Variants in BRD3 observed in about 807,000 individuals in gnomAD.
The protein encoded by BRD3 is bromodomain-containing protein 3.
A neutral mutation model predicts 66.8 loss-of-function variants in BRD3; 17 were observed. That is an observed-to-expected ratio of 0.25 (90% CI 0.17 to 0.38). BRD3 has a LOEUF of 0.38. BRD3 is among the 10% of genes least tolerant of loss of function. The probability of loss-of-function intolerance (pLI) is 1.00; values close to 1 mark genes in which losing one functional copy is unlikely to be tolerated. For synonymous variants in BRD3, 421 were observed against 393.2 expected (o/e 1.07, Z -0.84); for missense variants, 713 against 956.1 (o/e 0.75, Z 3.35).
At chr9:134,061,830 G>A (rs1446078321) in intron 1 of BRD3, among the ~76,000 whole-genome samples, 3 of 152,226 alleles carry the variant, frequency 2.0e-5, no homozygotes, top group East Asian at 1.9e-4. Flanking sequence ...CAGAATTCTC[G>A]GGATAATGCT....
intron 1 of BRD3, chr9:134,056,799 G>C (rs1411535056): frequency 6.6e-6 from 1 of 152,310 alleles, no homozygotes; most frequent in East Asian, 1.9e-4. Flanking sequence ...GACGGGCTCA[G>C]TGCCTCAGGT....
rs1165908648 is a variant in BRD3 at position 134,033,592 on chromosome 9, A to G, written c.2179T>C (p.Ter727ArgextTer38). 1 of 762,216 alleles carries G rather than the reference A, an allele frequency of 1.3e-6. No homozygotes were observed. Among genetic ancestry groups the G allele is most frequent in the South Asian group, 1.4e-5 (1 of 71,884 alleles). 47.2% of individuals were successfully genotyped at this position (762,216 alleles called of 1,614,324 possible). A position where few individuals can be genotyped will look rare whatever the true frequency, so the allele number is the denominator to read the frequency against. Residue 727 changes from the stop codon to arginine, a stop_lost, in exon 12 of 12, where the codon TGA becomes CGA. Transcript: ENST00000303407. The surrounding 1 kb of genome is among the most constrained non-coding windows in gnomAD (Gnocchi z 5.1). ...GSSSDSSDSE[*>R] ...GTCCTGTTCTGTCCGAAGCCAGTTC[A>G]TTCTGAGTCACTGCTGTCAGAGCTG...
intron 10 of BRD3, 63 bp downstream of exon 10, chr9:134,035,969 A>G: frequency 6.5e-7 from 1 of 1,540,642 alleles, no homozygotes; most frequent in East Asian, 2.3e-5. Flanking sequence ...GAGGAGTGAC[A>G]GGAGGGGCAG....
intron 9 of BRD3, chr9:134,036,705 A>G (rs1157863161): frequency 1.0e-6 from 1 of 955,854 alleles, no homozygotes; most frequent in Non-Finnish European, 1.6e-6. Flanking sequence ...ATCAATAATT[A>G]TGTGAAATAT....
At chr9:134,036,903 C>CTT (rs1829930527) in intron 9 of BRD3, among the ~76,000 whole-genome samples, 1 of 151,562 alleles carries the variant, frequency 6.6e-6, no homozygotes, top group Admixed American at 6.6e-5. Context: ...CCCAGCTATG[C>CTT]GGGAGGCTGA....
At chr9:134,038,001 A>G (rs193252327) in intron 9 of BRD3, among the ~76,000 whole-genome samples, 1 of 152,252 alleles carries the variant, frequency 6.6e-6, no homozygotes, top group African/African-American at 2.4e-5. Flanking sequence ...TATACCTATT[A>G]AAATAATTGA....
chr9:134,063,482 G>C (rs999444489), intron 1 of BRD3, among the ~76,000 whole-genome samples: 6 of 152,216 alleles, frequency 3.9e-5, no homozygotes, highest in African/African-American at 1.4e-4. Flanking sequence ...CAAGGCTCCA[G>C]TGACGCATGG....
intron 3 of BRD3, 85 bp downstream of exon 3, chr9:134,052,221 G>A (rs1425986341): frequency 6.5e-7 from 1 of 1,533,586 alleles, no homozygotes; most frequent in African/African-American, 1.4e-5. Context: ...CTGCCCAAGA[G>A]CTGCTGCAAA....
Position 134,040,051 on chromosome 9 carries a change from G to T in BRD3, c.1626C>A (p.Ser542Arg). The change falls in exon 9 of 12, where the codon AGC becomes AGA. Residue 542 changes from serine (S) to arginine (R), a missense_variant. Ser to Arg is a moderately radical substitution (Grantham distance 110). Around this residue, in one of 5 missense-constraint regions of BRD3, gnomAD observed 418 missense variants for 609.3 expected, o/e 0.69. Coordinates refer to ENST00000303407, the MANE Select transcript of BRD3 (RefSeq NM_007371.4). ...QKKAPAKKAN[S>R]TTTAGRQLKK... ...GAGCCCACCTGCCGGCCGTGGTCGT[G>T]CTGTTGGCCTTCTTGGCAGGAGCCT... is the stretch of plus-strand genomic sequence containing the variant. 6.3e-7 allele frequency: 1 copy of T among 1,592,990 alleles called. No homozygotes were observed. The highest frequency in any genetic ancestry group is 2.3e-5 in the East Asian group (1 of 43,982).
intron 9 of BRD3, among the ~76,000 whole-genome samples, chr9:134,039,535 T>G (rs1430539339): frequency 6.6e-6 from 1 of 152,094 alleles, no homozygotes; most frequent in African/African-American, 2.4e-5. Context: ...CCAGGAGAGC[T>G]CCCATCCCGG....
At position 134,032,827 on chromosome 9, in the gene BRD3, C is replaced by CA. The variant is rs1843532285; in HGVS notation, c.*762dup. 2 of 262,916 alleles carry CA rather than the reference C, an allele frequency of 7.6e-6. No individual in the cohort carries two copies. The highest frequency in any genetic ancestry group is 1.4e-5 in the Non-Finnish European group (2 of 143,434). The allele number at this position is 262,916 out of a possible 1,614,324, so 16.3% of individuals were successfully genotyped here. On this transcript the variant is annotated 3_prime_UTR_variant, in exon 12 of 12. Coordinates refer to ENST00000303407, the MANE Select transcript of BRD3 (RefSeq NM_007371.4). ...TTCCGTAGAAAATTGCCGAACCTTA[C>CA]AAAAAAAGTCTCCTTTTTTTTTTTT...
intron 1 of BRD3, among the ~76,000 whole-genome samples, chr9:134,060,038 C>A (rs952799103): frequency 1.3e-5 from 2 of 152,186 alleles, no homozygotes; most frequent in Admixed American, 1.3e-4. Flanking sequence ...GGCTCAGAGA[C>A]CCTCCCTGGG....
intron 11 of BRD3, among the ~76,000 whole-genome samples, chr9:134,034,019 A>T (rs1843558927): frequency 6.6e-6 from 1 of 152,104 alleles, no homozygotes; most frequent in Admixed American, 6.5e-5. Context: ...GCGTTTCTGG[A>T]GCGCTTACTC....
intron 7 of BRD3, among the ~76,000 whole-genome samples, chr9:134,044,457 C>T (rs903011746): frequency 2.0e-4 from 30 of 152,096 alleles, no homozygotes; most frequent in African/African-American, 7.0e-4. Flanking sequence ...TTCTGGGTCC[C>T]GTGAAAAGGA....
In BRD3 at chr9:134,047,422, T is replaced by C. The variant is rs192509087; in HGVS notation, c.1086+661A>G. Among the ~76,000 whole-genome samples, 148 of 152,270 alleles carry C rather than the reference T, an allele frequency of 9.7e-4. 1 individual carries two copies. Among genetic ancestry groups the C allele is most frequent in the Non-Finnish European group, 1.1e-3 (72 of 67,998 alleles). The stretch of plus-strand genomic sequence containing the variant: ...GGAAAGGTGCTCAGGGAAGACCCGG[T>C]GGAGCTCACCCTGGCTTGGGGCGGT... On this transcript the variant is annotated intron_variant, in intron 6 of 11. Transcript: ENST00000303407.
At chr9:134,042,060 T>TA (rs1830061039) in intron 7 of BRD3, 109 bp from the exon 8 acceptor site, 2 of 1,240,620 alleles carry the variant, frequency 1.6e-6, no homozygotes, top group African/African-American at 1.6e-5. Context: ...CCACAGCTGT[T>TA]ACGAAGGTGG....
intron 5 of BRD3, among the ~76,000 whole-genome samples, chr9:134,049,750 G>A (rs1830250560): frequency 6.6e-6 from 1 of 152,252 alleles, no homozygotes; most frequent in African/African-American, 2.4e-5. Flanking sequence ...GTCTGCCCCA[G>A]AGGGTTGCTG....
At chr9:134,034,212 G>A (rs1014572009) in intron 11 of BRD3, among the ~76,000 whole-genome samples, 4 of 152,246 alleles carry the variant, frequency 2.6e-5, no homozygotes, top group African/African-American at 9.6e-5. Context: ...CAGGAAAAGA[G>A]ATGTGTGCTC....
At chr9:134,035,215 C>T (rs12350016) in intron 10 of BRD3, among the ~76,000 whole-genome samples, 3,892 of 152,274 alleles carry the variant, frequency 0.026, 175 homozygotes, top group African/African-American at 0.089. Flanking sequence ...TCCATCTGCC[C>T]GAGCAGGAGG....
Sources: gnomAD v4.1 joint callset for allele counts (sites outside exome capture counted in the v4.1 genomes callset) on GRCh38, gnomAD v4.1.1 for gene constraint, gnomAD v4.1.1 regional missense constraint, Gnocchi (gnomAD v3.1) non-coding constraint, MANE v1.5 for transcripts, NCBI Gene and HGNC (gene_info 2026-07-23, HGNC 2026-07-21) for gene names.